UGT2B15: variants seen among roughly 807,000 people sequenced by gnomAD.
The protein encoded by UGT2B15 is UDP-glucuronosyltransferase 2B15.
UGT2B15 carries 36 observed loss-of-function variants against 45.9 expected under a neutral mutation model. The ratio of observed to expected loss-of-function variants is 0.78; its 90% CI spans 0.60 to 1.04. The LOEUF is 1.04. Ranked by LOEUF, UGT2B15 falls within the 50% of genes least tolerant of loss-of-function variation. The pLI is 0.00. For missense variants in UGT2B15, 617 were observed against 622.4 expected (o/e 0.99, Z 0.09); for synonymous variants, 219 against 216.4 (o/e 1.01, Z -0.11).
In UGT2B15 at chr4:68,654,101, C is replaced by T; in HGVS notation, c.1249G>A (p.Asp417Asn). Reference protein sequence around the residue: ...MKAKGAALSVDIRTMSSRDLL... With the variant: ...MKAKGAALSVNIRTMSSRDLL... ...TCTCTACTTGACATGGTCCTGATGTCCACACTGAGGGCTGCTCCCTTGGCT... is the reference window on the plus strand; with the variant it reads ...TCTCTACTTGACATGGTCCTGATGTTCACACTGAGGGCTGCTCCCTTGGCT... Residue 417 changes from aspartate to asparagine, a missense_variant, in exon 5 of 6, where the codon GAC becomes AAC. Coordinates refer to ENST00000338206, the MANE Select transcript of UGT2B15 (RefSeq NM_001076.4). 3 of 1,613,630 alleles carry T rather than the reference C, an allele frequency of 1.9e-6. No individual in the cohort carries two copies. Among genetic ancestry groups the T allele is most frequent in the Non-Finnish European group, 2.5e-6 (3 of 1,179,688 alleles).
intron 2 of UGT2B15, among the ~76,000 whole-genome samples, chr4:68,666,618 A>C (rs1402198918): frequency 1.3e-5 from 2 of 151,850 alleles, no homozygotes; most frequent in African/African-American, 4.8e-5. Context: ...TTGCAATATT[A>C]TACATTGGGA....
chr4:68,661,670 T>C (rs1422462608), intron 3 of UGT2B15, among the ~76,000 whole-genome samples: 3 of 152,100 alleles, frequency 2.0e-5, no homozygotes, highest in African/African-American at 7.2e-5. Flanking sequence ...TAATGCTACA[T>C]ATGTAGTATG....
At chr4:68,664,380 A>T (rs2198544) in intron 2 of UGT2B15, among the ~76,000 whole-genome samples, 140,957 of 151,928 alleles carry the variant, frequency 0.93, 66,336 homozygotes, top group East Asian at 1. Flanking sequence ...CCTTTTGTTC[A>T]AAATTCTCTT....
chr4:68,670,367 A>T lies in UGT2B15; in HGVS notation c.252T>A (p.Asn84Lys), dbSNP rs1733273919. 6.2e-7 allele frequency: 1 copy of T among 1,613,162 alleles called. No homozygotes were observed. The highest frequency in any genetic ancestry group is 1.3e-5 in the African/African-American group (1 of 74,826). Residue 84 changes from asparagine (N) to lysine (K), a missense_variant, in exon 1 of 6, where the codon AAT becomes AAA. Physicochemically the swap from Asn to Lys is moderately conservative, Grantham distance 94 (BLOSUM62 0). Around this residue, in one of 3 missense-constraint regions of UGT2B15, gnomAD observed 351 missense variants for 342.1 expected, o/e 1.03. Transcript: ENST00000338206. ...TTTTCAGAAGAGAATCTTCCAAATAATTTTTAGTTAAAGATGTAGGATAAA... is the reference window on the plus strand; with the variant it reads ...TTTTCAGAAGAGAATCTTCCAAATATTTTTTAGTTAAAGATGTAGGATAAA... Reference protein sequence around the residue: ...LEVYPTSLTKNYLEDSLLKIL... With the variant: ...LEVYPTSLTKKYLEDSLLKIL...
At position 68,651,365 on chromosome 4, in the gene UGT2B15, C is replaced by T. The variant is rs544979607; in HGVS notation, c.1313+2672G>A. On this transcript the variant is annotated intron_variant, in intron 5 of 5. Coordinates refer to ENST00000338206, the MANE Select transcript of UGT2B15 (RefSeq NM_001076.4). ...GCAGGGGACTAGTTTCCGTTTTCTG[C>T]GTATGGCTAGCCGGTTTCTCCAGCA... 8.0e-4 allele frequency among the ~76,000 whole-genome samples: 121 copies of T among 152,156 alleles called. 1 individual carries two copies. Among genetic ancestry groups the T allele is most frequent in the African/African-American group, 2.5e-3 (104 of 41,514 alleles).
chr4:68,652,308 A>T lies in UGT2B15; in HGVS notation c.1313+1729T>A, dbSNP rs527666393. On this transcript the variant is annotated intron_variant, in intron 5 of 5. Transcript: ENST00000338206. ...GACAAAGGGGTTTTCTAACTATAGA[A>T]TTATGTCATCTGCAAACAGAGACAA... is the stretch of plus-strand genomic sequence containing the variant. Among the ~76,000 whole-genome samples the T allele has an allele frequency of 3.9e-5, 6 of 152,184 alleles. No individual in the cohort carries two copies. In the South Asian group the frequency reaches 8.3e-4, roughly 21 times the overall value.
At chr4:68,660,260 C>T (rs1732924431) in intron 3 of UGT2B15, among the ~76,000 whole-genome samples, 1 of 150,224 alleles carries the variant, frequency 6.7e-6, no homozygotes, top group South Asian at 2.1e-4. Flanking sequence ...GGCCTCATAC[C>T]TTCATCTATA....
rs138592773 is a variant in UGT2B15, at chr4:68,647,370, C to T, written c.1327G>A (p.Val443Ile). 684 of 1,613,030 alleles carry T rather than the reference C, an allele frequency of 4.2e-4. 11 individuals carry two copies. The Middle Eastern group carries it at 0.012, about 29-fold the overall frequency. Residue 443 changes from valine (V) to isoleucine (I), a missense_variant, in exon 6 of 6, where the codon GTC (valine) becomes ATC (isoleucine). This residue lies in a region of UGT2B15 where 265 missense variants were observed against 245.1 expected (regional missense o/e 1.08). Coordinates refer to ENST00000338206, the MANE Select transcript of UGT2B15 (RefSeq NM_001076.4). ...VINDPVYKEN[V>I]MKLSRIHHDQ... ...TGATGAATTCTTGATAATTTCATGA[C>T]ATTCTCTTTATAGCTGAAGGATAAA...
chr4:68,647,050 A>C lies in UGT2B15; in HGVS notation c.*54T>G. On this transcript the variant is annotated 3_prime_UTR_variant, in exon 6 of 6. Transcript: ENST00000338206. ...CCTCCATTTAAAACCCTCCATGCTG[A>C]AATAAAGGAGGAGTCCCATCTTTCA... 6.4e-7 allele frequency: 1 copy of C among 1,559,308 alleles called. No individual in the cohort carries two copies. Among genetic ancestry groups the C allele is most frequent in the Non-Finnish European group, 8.7e-7 (1 of 1,152,420 alleles).
intron 5 of UGT2B15, among the ~76,000 whole-genome samples, chr4:68,648,262 C>A (rs978783816): frequency 6.6e-6 from 1 of 152,100 alleles, no homozygotes; most frequent in Non-Finnish European, 1.5e-5. Flanking sequence ...CAGGCACCTA[C>A]TTGTCCTAGC....
chr4:68,665,789 G>A (rs998739598), intron 2 of UGT2B15, among the ~76,000 whole-genome samples: 11 of 152,148 alleles, frequency 7.2e-5, no homozygotes, highest in African/African-American at 2.7e-4. Context: ...GCTCACACTT[G>A]TAATCCCAGC....
chr4:68,656,391 A>AT (rs147929412), intron 3 of UGT2B15, among the ~76,000 whole-genome samples: 87 of 128,062 alleles, frequency 6.8e-4, no homozygotes, highest in African/African-American at 2.1e-3. Flanking sequence ...CATTTCTGGG[A>AT]TTTTTTTTTT....
Position 68,664,687 on chromosome 4 carries a change from C to T in UGT2B15, c.874-1548G>A, listed in dbSNP as rs1051954680. Reference sequence around the variant, plus strand: ...GTTAAAGCAATTCTCCTGCCTCAGTCTCCTGAGTAGCTGGGATTACAGGCA... The same window carrying T: ...GTTAAAGCAATTCTCCTGCCTCAGTTTCCTGAGTAGCTGGGATTACAGGCA... On this transcript the variant is annotated intron_variant, in intron 2 of 5. Transcript: ENST00000338206. 1.1e-4 allele frequency among the ~76,000 whole-genome samples: 17 copies of T among 151,908 alleles called. 1 individual carries two copies. The highest frequency in any genetic ancestry group is 3.9e-4 in the African/African-American group (16 of 41,326).
intron 5 of UGT2B15, among the ~76,000 whole-genome samples, chr4:68,653,300 TAGAAATAAAA>T (rs1303239916): frequency 6.6e-6 from 1 of 151,992 alleles, no homozygotes; most frequent in African/African-American, 2.4e-5. Flanking sequence ...GAATATTATA[TAGAAATAAAA>T]ATGAATGAGT....
chr4:68,656,935 G>A (rs1009246376), intron 3 of UGT2B15, among the ~76,000 whole-genome samples: 2 of 152,046 alleles, frequency 1.3e-5, no homozygotes, highest in African/African-American at 2.4e-5. Context: ...TTACAAAGTA[G>A]GGGGTGGCTG....
rs1733092311 is a variant in UGT2B15, at chr4:68,665,484, T to A, written c.874-2345A>T. Reference sequence around the variant, plus strand: ...ATTTGAATTATTTCCAGAGTTTTTTTAATGAGTATTTGCTACCGATATTGA... The same window carrying A: ...ATTTGAATTATTTCCAGAGTTTTTTAAATGAGTATTTGCTACCGATATTGA... On this transcript the variant is annotated intron_variant, in intron 2 of 5. Coordinates refer to ENST00000338206, the MANE Select transcript of UGT2B15 (RefSeq NM_001076.4). 2.6e-5 allele frequency among the ~76,000 whole-genome samples: 4 copies of A among 152,304 alleles called. 1 individual carries two copies. The South Asian group carries it at 8.3e-4, about 32-fold the overall frequency.
intron 5 of UGT2B15, among the ~76,000 whole-genome samples, chr4:68,650,515 C>G (rs1342346140): frequency 6.6e-6 from 1 of 151,952 alleles, no homozygotes; most frequent in African/African-American, 2.4e-5. Flanking sequence ...CCATAGTGTA[C>G]ATGTATCATA....
Position 68,646,813 on chromosome 4 carries a change from A to G in UGT2B15, c.*291T>C. On this transcript the variant is annotated 3_prime_UTR_variant, in exon 6 of 6. Transcript: ENST00000338206. ...GTGCAGGTTAGCTACATATGTATAC[A>G]TGTGCCATGTTGGCGTGCTGCATCC... is the stretch of plus-strand genomic sequence containing the variant. 1 of 345,686 alleles carries G rather than the reference A, an allele frequency of 2.9e-6. No individual in the cohort carries two copies. The highest frequency in any genetic ancestry group is 4.2e-5 in the Admixed American group (1 of 23,626). The allele number at this position is 345,686 out of a possible 1,614,324, so 21.4% of individuals were successfully genotyped here.
intron 4 of UGT2B15, 84 bp from the exon 5 acceptor site, chr4:68,654,340 G>A: frequency 7.1e-7 from 1 of 1,398,934 alleles, no homozygotes; most frequent in Non-Finnish European, 9.7e-7. Flanking sequence ...GGAACTTAAA[G>A]CAAAACTGTT....
Sources: allele counts gnomAD v4.1 joint callset (sites outside exome capture counted in the v4.1 genomes callset), GRCh38; gene constraint gnomAD v4.1.1; regional missense constraint gnomAD v4.1.1; transcripts MANE v1.5; gene names NCBI Gene and HGNC (gene_info 2026-07-23, HGNC 2026-07-21).